HYCC2: variants seen among roughly 807,000 people sequenced by gnomAD.
HYCC2 encodes the protein hyccin PI4KA lipid kinase complex subunit 2, also known as hyccin 2.
chr2:201,063,661 T>C, the HYCC2 span: 3 of 1,575,198 alleles, frequency 1.9e-6, no homozygotes, highest in Non-Finnish European at 2.6e-6. Context: ...GTGCTTCATC[T>C]AGCCAAAGAG....
chr2:201,063,571 G>C, the HYCC2 span: 5 of 1,586,038 alleles, frequency 3.2e-6, no homozygotes, highest in Non-Finnish European at 4.3e-6. Flanking sequence ...CCGTGGATAA[G>C]ATTGTCATTC....
chr2:201,028,623 C>T, the HYCC2 span, among the ~76,000 whole-genome samples: 1 of 152,058 alleles, frequency 6.6e-6, no homozygotes, highest in Non-Finnish European at 1.5e-5. Context: ...GAGATATAGA[C>T]CAATGGAACA....
the HYCC2 span, among the ~76,000 whole-genome samples, chr2:201,049,992 A>G: frequency 6.6e-6 from 1 of 152,112 alleles, no homozygotes; most frequent in Non-Finnish European, 1.5e-5. Context: ...GAGCCACTGC[A>G]CCTGGCCTAA....
At chr2:201,054,172 G>C in the HYCC2 span, among the ~76,000 whole-genome samples, 1 of 152,138 alleles carries the variant, frequency 6.6e-6, no homozygotes, top group African/African-American at 2.4e-5. Context: ...TCTCATTAGG[G>C]GCTAATCTGA....
the HYCC2 span, among the ~76,000 whole-genome samples, chr2:201,046,389 C>T: frequency 1.5e-4 from 23 of 152,090 alleles, no homozygotes; most frequent in Non-Finnish European, 3.2e-4. Context: ...TGGGCTTTCA[C>T]ATGTGAGTTT....
At chr2:201,038,798 G>C in the HYCC2 span, among the ~76,000 whole-genome samples, 1 of 152,044 alleles carries the variant, frequency 6.6e-6, no homozygotes, top group African/African-American at 2.4e-5. Flanking sequence ...AATGTTAAAT[G>C]ATGAGTTAGT....
At chr2:201,047,560 A>T in the HYCC2 span, among the ~76,000 whole-genome samples, 1 of 151,670 alleles carries the variant, frequency 6.6e-6, no homozygotes, top group African/African-American at 2.4e-5. Flanking sequence ...TCAAAAACTG[A>T]TGACAGAAAT....
At chr2:200,987,676 T>C in the HYCC2 span, 1 of 487,500 alleles carries the variant, frequency 2.1e-6, no homozygotes, top group Non-Finnish European at 3.3e-6. Flanking sequence ...GTGTGCATGC[T>C]GTGCACACAC....
At chr2:200,981,124 A>G in the HYCC2 span, 7 of 935,298 alleles carry the variant, frequency 7.5e-6, no homozygotes, top group Non-Finnish European at 1.1e-5. This position sits in a 1 kb window ranked among gnomAD's most constrained non-coding sequence, Gnocchi z 4.5. Context: ...TGCTGTTTTG[A>G]TACAAAATAC....
the HYCC2 span, among the ~76,000 whole-genome samples, chr2:201,069,994 A>G: frequency 6.6e-6 from 1 of 152,220 alleles, no homozygotes; most frequent in African/African-American, 2.4e-5. Context: ...CTGACACTAC[A>G]TTAGACCTTA....
At chr2:201,058,010 CCAATGCTGATCTA>C in the HYCC2 span, among the ~76,000 whole-genome samples, 1 of 152,186 alleles carries the variant, frequency 6.6e-6, no homozygotes, top group Non-Finnish European at 1.5e-5. Flanking sequence ...CTTCCCCTCA[CCAATGCTGATCTA>C]CAATTTCACA....
the HYCC2 span, chr2:201,024,118 CA>C: frequency 1.3e-6 from 1 of 788,064 alleles, no homozygotes; most frequent in Non-Finnish European, 2.1e-6. Context: ...TGCCTTTCAC[CA>C]AGGAAAATTA....
chr2:200,978,011 A>T, the HYCC2 span: 1 of 152,192 alleles, frequency 6.6e-6, no homozygotes, highest in Non-Finnish European at 1.5e-5. Flanking sequence ...TATTACAGAA[A>T]ACAAGTATTT....
At chr2:201,026,860 T>C in the HYCC2 span, among the ~76,000 whole-genome samples, 23 of 152,188 alleles carry the variant, frequency 1.5e-4, no homozygotes, top group African/African-American at 5.1e-4. Flanking sequence ...CAAGAGAAAG[T>C]AGGAAAGACC....
the HYCC2 span, chr2:200,987,558 GTGCTTTTATGC>G: frequency 7.8e-7 from 1 of 1,286,894 alleles, no homozygotes; most frequent in Non-Finnish European, 1.0e-6. Context: ...TAACATTTTA[GTGCTTTTATGC>G]TGCTCTATTA....
At chr2:200,982,045 C>G in the HYCC2 span, among the ~76,000 whole-genome samples, 8 of 152,170 alleles carry the variant, frequency 5.3e-5, no homozygotes, top group African/African-American at 1.9e-4. Flanking sequence ...CAGAATTCTA[C>G]TATGCTAATA....
At chr2:200,987,324 C>G in the HYCC2 span, 1 of 1,274,664 alleles carries the variant, frequency 7.8e-7, no homozygotes, top group Non-Finnish European at 1.0e-6. Flanking sequence ...CCTTCTCCAG[C>G]AACTGCCTCA....
At chr2:201,034,602 T>G in the HYCC2 span, among the ~76,000 whole-genome samples, 1 of 152,222 alleles carries the variant, frequency 6.6e-6, no homozygotes, top group African/African-American at 2.4e-5. Flanking sequence ...TTTAGCCCAT[T>G]TACATTTAAG....
the HYCC2 span, among the ~76,000 whole-genome samples, chr2:200,982,248 T>A: frequency 6.6e-6 from 1 of 151,026 alleles, no homozygotes; most frequent in African/African-American, 2.4e-5. Context: ...AAAAAAAAAC[T>A]TTTCCCCTCA....
Sources: allele counts gnomAD v4.1 joint callset (sites outside exome capture counted in the v4.1 genomes callset), GRCh38; gene constraint gnomAD v4.1.1; non-coding constraint Gnocchi (gnomAD v3.1); transcripts MANE v1.5; gene names NCBI Gene and HGNC (gene_info 2026-07-23, HGNC 2026-07-21).